Variants in INSL6 observed in about 807,000 individuals in gnomAD.
The protein encoded by INSL6 is insulin-like peptide INSL6.
INSL6 carries 16 observed loss-of-function variants against 9.4 expected under a neutral mutation model. The observed-to-expected ratio is 1.70, with a 90% confidence interval of 1.15 to 2.59. INSL6 has a LOEUF of 2.59. INSL6 is among the 30% of genes most tolerant of loss of function. The pLI, the probability that INSL6 is intolerant of heterozygous loss-of-function variation, is 0.00. For missense variants in INSL6, 391 were observed against 257.3 expected (o/e 1.52, Z -3.56); for synonymous variants, 154 against 96.9 (o/e 1.59, Z -3.46).
At chr9:5,015,710 T>C in the INSL6 span, among the ~76,000 whole-genome samples, 21 of 152,136 alleles carry the variant, frequency 1.4e-4, no homozygotes, top group Admixed American at 3.9e-4. Flanking sequence ...GAGTCACTTA[T>C]TCTTTTGATT....
the INSL6 span, chr9:5,085,022 T>G: frequency 1.2e-6 from 1 of 837,920 alleles, no homozygotes; most frequent in Non-Finnish European, 2.0e-6. Flanking sequence ...GTACAATTTC[T>G]GAAAGTTGAA....
the INSL6 span, among the ~76,000 whole-genome samples, chr9:5,059,818 CACTT>C: frequency 2.0e-5 from 3 of 152,026 alleles, no homozygotes; most frequent in Admixed American, 1.3e-4. Context: ...AATACTTTTT[CACTT>C]ACTTATTGTT....
intron 1 of INSL6, among the ~76,000 whole-genome samples, chr9:5,168,342 G>C (rs1319145785): frequency 1.3e-5 from 2 of 152,076 alleles, no homozygotes; most frequent in Non-Finnish European, 2.9e-5. Flanking sequence ...AACATTACAG[G>C]AGCTGTTAAC....
chr9:5,077,136 G>A, the INSL6 span, among the ~76,000 whole-genome samples: 3 of 151,274 alleles, frequency 2.0e-5, no homozygotes, highest in Admixed American at 2.0e-4. Context: ...GAGAAATTGA[G>A]AAATTTTCAT....
chr9:5,184,965 G>GC (rs1375926430), intron 1 of INSL6, among the ~76,000 whole-genome samples: 1 of 152,150 alleles, frequency 6.6e-6, no homozygotes, highest in Non-Finnish European at 1.5e-5. Context: ...GGACAATGGA[G>GC]CCATTGGCCA....
intron 2 of INSL6, among the ~76,000 whole-genome samples, chr9:5,152,805 C>G (rs951897238): frequency 2.0e-5 from 3 of 152,176 alleles, no homozygotes; most frequent in Non-Finnish European, 4.4e-5. Flanking sequence ...CCAGCAAGAT[C>G]GACGCAGAAG....
the INSL6 span, chr9:5,111,369 G>T: frequency 2.5e-6 from 1 of 404,626 alleles, no homozygotes; most frequent in Non-Finnish European, 4.8e-6. Context: ...CCCCTCCTAC[G>T]CCAGCAGCTC....
the INSL6 span, chr9:5,112,877 C>A: frequency 1.2e-5 from 5 of 420,094 alleles, no homozygotes; most frequent in South Asian, 2.3e-4. Flanking sequence ...GACGAGCCAC[C>A]CGCCCTCAGC....
chr9:5,081,968 G>C, the INSL6 span: 4 of 869,306 alleles, frequency 4.6e-6, no homozygotes, highest in Non-Finnish European at 6.8e-6. Context: ...AGTGCTTGTA[G>C]AAAAAAAAGG....
chr9:5,000,380 A>G, the INSL6 span, among the ~76,000 whole-genome samples: 1 of 152,254 alleles, frequency 6.6e-6, no homozygotes, highest in Non-Finnish European at 1.5e-5. Context: ...TAAGAAAATC[A>G]TGAAGAACAG....
chr9:5,034,096 C>G, the INSL6 span, among the ~76,000 whole-genome samples: 1 of 152,062 alleles, frequency 6.6e-6, no homozygotes, highest in African/African-American at 2.4e-5. Context: ...CAATCCTAGT[C>G]TCGGATAAAA....
At chr9:5,062,189 A>G in the INSL6 span, among the ~76,000 whole-genome samples, 1 of 152,052 alleles carries the variant, frequency 6.6e-6, no homozygotes, top group Admixed American at 6.6e-5. Context: ...CAAAACCTGC[A>G]TATGTGTAGG....
the INSL6 span, among the ~76,000 whole-genome samples, chr9:5,115,910 G>C: frequency 6.6e-6 from 1 of 152,150 alleles, no homozygotes; most frequent in Admixed American, 6.6e-5. Flanking sequence ...CCTGTTGTTG[G>C]GTGGAGGGCT....
At chr9:5,052,629 C>T in the INSL6 span, among the ~76,000 whole-genome samples, 1 of 152,034 alleles carries the variant, frequency 6.6e-6, no homozygotes, top group Non-Finnish European at 1.5e-5. Flanking sequence ...ACCCCATGCC[C>T]ATTAGCATTC....
At chr9:5,113,441 A>T in the INSL6 span, 3 of 114,954 alleles carry the variant, frequency 2.6e-5, no homozygotes, top group African/African-American at 8.4e-5. Context: ...AAAAAAAAAA[A>T]AAAAAAAACC....
chr9:5,143,202 T>C (rs1162906943), intron 2 of INSL6, among the ~76,000 whole-genome samples: 2 of 151,936 alleles, frequency 1.3e-5, no homozygotes, highest in South Asian at 2.1e-4. Flanking sequence ...GCTGACCTCA[T>C]AGAATGAGTT....
chr9:5,174,239 C>A (rs1342675170), intron 1 of INSL6, among the ~76,000 whole-genome samples: 1 of 152,184 alleles, frequency 6.6e-6, no homozygotes, highest in Non-Finnish European at 1.5e-5. Flanking sequence ...ACCATGCCAG[C>A]TACCATCGTA....
chr9:5,081,134 A>G, the INSL6 span, among the ~76,000 whole-genome samples: 1 of 151,680 alleles, frequency 6.6e-6, no homozygotes, highest in African/African-American at 2.4e-5. Flanking sequence ...TGATCTTGTG[A>G]TCCGCCCGCC....
At chr9:5,145,678 C>A (rs1824589042) in intron 2 of INSL6, among the ~76,000 whole-genome samples, 1 of 152,040 alleles carries the variant, frequency 6.6e-6, no homozygotes, top group Non-Finnish European at 1.5e-5. Flanking sequence ...TTTCTCTATT[C>A]TTGTCTACCT....
Sources: allele counts gnomAD v4.1 joint callset (sites outside exome capture counted in the v4.1 genomes callset), GRCh38; gene constraint gnomAD v4.1.1; transcripts MANE v1.5; gene names NCBI Gene and HGNC (gene_info 2026-07-23, HGNC 2026-07-21).